HOOK3: variants seen among roughly 807,000 people sequenced by gnomAD.
HOOK3 encodes protein Hook homolog 3.
HOOK3 carries 24 observed loss-of-function variants against 116.3 expected under a neutral mutation model. The observed-to-expected ratio is 0.21, with a 90% confidence interval of 0.15 to 0.29. The LOEUF is 0.29. Among genes scored for constraint, HOOK3 ranks in the 10% least tolerant of loss-of-function variants. The pLI, the probability that HOOK3 is intolerant of heterozygous loss-of-function variation, is 1.00. For missense variants in HOOK3, 632 were observed against 830.2 expected (o/e 0.76, Z 2.93); for synonymous variants, 275 against 283.0 (o/e 0.97, Z 0.28).
chr8:42,969,237 A>G (rs536048997), intron 11 of HOOK3, among the ~76,000 whole-genome samples: 4 of 152,322 alleles, frequency 2.6e-5, no homozygotes, highest in Non-Finnish European at 4.4e-5. Flanking sequence ...ATGTAGTTAG[A>G]TATTAGCAGA....
intron 14 of HOOK3, 67 bp from the exon 15 acceptor site, chr8:42,986,588 C>T (rs1007624974): frequency 8.3e-6 from 10 of 1,207,708 alleles, no homozygotes; most frequent in African/African-American, 3.1e-5. Context: ...GATTTGATAC[C>T]TGTGTTGTAT....
At position 42,957,138 on chromosome 8, in the gene HOOK3, T is replaced by C. The variant is rs1465095194; in HGVS notation, c.513T>C (p.Tyr171=). The C allele has an allele frequency of 7.5e-6, 12 of 1,591,352 alleles. No homozygotes were observed. The highest frequency in any genetic ancestry group is 1.0e-5 in the Non-Finnish European group (12 of 1,164,748). The change falls in exon 7 of 22, where the codon TAT becomes TAC. Residue 171 remains tyrosine (Y), a synonymous_variant. Transcript: ENST00000307602. ...ESPVSAGNDA[Y]VDLDRQLKKT... Reference sequence around the variant, plus strand: ...CTGTCTCTGCTGGAAATGATGCCTATGTTGACCTTGATCGTCAGGTATATA... The same window carrying C: ...CTGTCTCTGCTGGAAATGATGCCTACGTTGACCTTGATCGTCAGGTATATA...
At chr8:42,968,337 G>T (rs6999489) in intron 11 of HOOK3, 123 bp downstream of exon 11, 53,923 of 677,300 alleles carry the variant, frequency 0.08, 3,166 homozygotes, top group African/African-American at 0.24. Context: ...TTATTGTATT[G>T]ATTCATTTAG....
chr8:42,942,404 A>C (rs1360268013), intron 4 of HOOK3, among the ~76,000 whole-genome samples: 1 of 152,256 alleles, frequency 6.6e-6, no homozygotes, highest in Non-Finnish European at 1.5e-5. Flanking sequence ...GCCATGTAAC[A>C]TAGGTTGGTT....
chr8:42,913,736 C>A (rs1807478895), intron 2 of HOOK3, among the ~76,000 whole-genome samples: 1 of 152,178 alleles, frequency 6.6e-6, no homozygotes, highest in Admixed American at 6.5e-5. Context: ...ACATTTACAT[C>A]AACAGTGTAT....
chr8:42,947,552 C>T (rs1198967167), intron 5 of HOOK3, among the ~76,000 whole-genome samples: 1 of 152,112 alleles, frequency 6.6e-6, no homozygotes, highest in East Asian at 1.9e-4. Flanking sequence ...GAGTTTCCCC[C>T]CAAAATTGTA....
intron 19 of HOOK3, among the ~76,000 whole-genome samples, chr8:43,010,981 G>A (rs980781112): frequency 1.3e-5 from 2 of 151,802 alleles, no homozygotes; most frequent in African/African-American, 2.4e-5. Flanking sequence ...TGGACTGGGG[G>A]TTAAGGGGGT....
Position 42,966,504 on chromosome 8 carries a change from C to T in HOOK3, c.811C>T (p.Arg271Cys), listed in dbSNP as rs777110373. The T allele has an allele frequency of 5.6e-6, 9 of 1,614,042 alleles. No individual in the cohort carries two copies. Among genetic ancestry groups the T allele is most frequent in the South Asian group, 3.3e-5 (3 of 91,068 alleles). Reference protein sequence around the residue: ...LEAAKDDYRIRCEELEKEISE... With the variant: ...LEAAKDDYRICCEELEKEISE... ...AGCAGCCAAAGATGATTATCGAATA[C>T]GTTGTGAAGAGTTAGAAAAGGAGAT... is the stretch of plus-strand genomic sequence containing the variant. The change falls in exon 10 of 22, where the codon CGT becomes TGT. Residue 271 changes from arginine to cysteine, a missense_variant. Physicochemically the swap from Arg to Cys is radical, Grantham distance 180. Transcript: ENST00000307602.
chr8:42,913,429 T>G (rs1807471979), intron 2 of HOOK3, among the ~76,000 whole-genome samples: 1 of 152,218 alleles, frequency 6.6e-6, no homozygotes, highest in Non-Finnish European at 1.5e-5. Context: ...TAGTATAATT[T>G]TGTGATTCAT....
chr8:42,970,822 C>CT (rs1808714529), intron 11 of HOOK3, among the ~76,000 whole-genome samples: 1 of 128,900 alleles, frequency 7.8e-6, no homozygotes, highest in African/African-American at 3.2e-5. Flanking sequence ...GGGTTTCACT[C>CT]TGTCATCCAG....
At chr8:42,961,692 A>G (rs1034537621) in intron 8 of HOOK3, among the ~76,000 whole-genome samples, 3 of 152,248 alleles carry the variant, frequency 2.0e-5, no homozygotes, top group African/African-American at 4.8e-5. Context: ...TAGGAACCGT[A>G]AAAATATTCT....
rs183940372 is a variant in HOOK3, at chr8:42,975,452, A to G, written c.1321+1258A>G. On this transcript the variant is annotated intron_variant, in intron 13 of 21. Transcript: ENST00000307602. The stretch of plus-strand genomic sequence containing the variant: ...AAAAATAAATTAGGCAACGTGGTAC[A>G]AGATGATAGGTGCTATAATTGAAAC... 2.1e-3 allele frequency among the ~76,000 whole-genome samples: 313 copies of G among 152,194 alleles called. 2 individuals carry two copies. The highest frequency in any genetic ancestry group is 8.4e-4 in the Non-Finnish European group (57 of 67,956).
Position 42,966,670 on chromosome 8 carries a change from G to A in HOOK3, c.920+57G>A, listed in dbSNP as rs564847235. ...TTTGGCTCTGGTGTTAGAAACTCTA[G>A]GGTTTCTGAGGATCTAGCAAACTTA... On this transcript the variant is annotated intron_variant, in intron 10 of 21. Coordinates refer to ENST00000307602, the MANE Select transcript of HOOK3 (RefSeq NM_032410.4). 37 of 1,562,102 alleles carry A rather than the reference G, an allele frequency of 2.4e-5. No homozygotes were observed. In the African/African-American group the frequency reaches 4.5e-4, roughly 19 times the overall value.
rs1157938697 is a variant in HOOK3, at chr8:43,018,683, T to C, written c.*185T>C. 5.5e-6 allele frequency: 3 copies of C among 549,366 alleles called. No homozygotes were observed. The highest frequency in any genetic ancestry group is 3.8e-5 in the African/African-American group (2 of 51,996). The allele number at this position is 549,366 out of a possible 1,614,324, so 34.0% of individuals were successfully genotyped here. A position where few individuals can be genotyped will look rare whatever the true frequency, so the allele number is the denominator to read the frequency against. Reference sequence around the variant, plus strand: ...TGTTTTAGTTTCTTTGGTTTTTATTTTGTAGTCCTTTCAGTTATTTTTAAT... The same window carrying C: ...TGTTTTAGTTTCTTTGGTTTTTATTCTGTAGTCCTTTCAGTTATTTTTAAT... On this transcript the variant is annotated 3_prime_UTR_variant, in exon 22 of 22. Transcript: ENST00000307602.
At chr8:42,986,401 G>A (rs1809049758) in intron 14 of HOOK3, among the ~76,000 whole-genome samples, 1 of 151,996 alleles carries the variant, frequency 6.6e-6, no homozygotes, top group Non-Finnish European at 1.5e-5. Context: ...GGAAGAAATA[G>A]GATTTTGAAA....
Position 43,009,443 on chromosome 8 carries a change from AATC to A in HOOK3, c.1739-858_1739-856del, listed in dbSNP as rs528153849. On this transcript the variant is annotated intron_variant, in intron 18 of 21. Transcript: ENST00000307602. ...CTCTATTTACATATAGGGAGTATATAATCATCTTTATAATGTCTTTCTGATTGT... is the reference window on the plus strand; with the variant it reads ...CTCTATTTACATATAGGGAGTATATAATCTTTATAATGTCTTTCTGATTGT... Among the ~76,000 whole-genome samples, 13 of 152,168 alleles carry A rather than the reference AATC, an allele frequency of 8.5e-5. No homozygotes were observed. In the East Asian group the frequency reaches 2.5e-3, roughly 29 times the overall value.
At position 43,024,897 on chromosome 8, in the gene HOOK3, G is replaced by A. The variant is rs1481229835; in HGVS notation, c.*6399G>A. The A allele has an allele frequency of 4.8e-6, 1 of 208,644 alleles. No individual in the cohort carries two copies. The highest frequency in any genetic ancestry group is 9.7e-6 in the Non-Finnish European group (1 of 102,588). The allele number at this position is 208,644 out of a possible 1,614,324, so 12.9% of individuals were successfully genotyped here. ...AAACAAGGGGCAGCACAAATGGGGT[G>A]GCATCCATCTCTTTTAAATCACTGA... On this transcript the variant is annotated 3_prime_UTR_variant, in exon 22 of 22. Transcript: ENST00000307602.
chr8:42,958,478 A>C (rs577167092), intron 7 of HOOK3, among the ~76,000 whole-genome samples: 1 of 152,218 alleles, frequency 6.6e-6, no homozygotes, highest in Non-Finnish European at 1.5e-5. Context: ...AAATTTTTTA[A>C]CGGTGCTGTA....
intron 13 of HOOK3, 51 bp downstream of exon 13, chr8:42,974,245 C>T (rs376191019): frequency 4.2e-5 from 57 of 1,361,396 alleles, no homozygotes; most frequent in South Asian, 3.3e-4. Flanking sequence ...TTTTTTGAGA[C>T]GGGAGTTTCA....
Sources: gnomAD v4.1 joint callset for allele counts (sites outside exome capture counted in the v4.1 genomes callset) on GRCh38, gnomAD v4.1.1 for gene constraint, MANE v1.5 for transcripts, NCBI Gene and HGNC (gene_info 2026-07-23, HGNC 2026-07-21) for gene names.